HSD3B1: variants seen among roughly 807,000 people sequenced by gnomAD.
HSD3B1 encodes the protein hydroxy-delta-5-steroid dehydrogenase, 3 beta- and steroid delta-isomerase 1, also known as 3 beta-hydroxysteroid dehydrogenase/Delta 5-->4-isomerase type 1.
A neutral mutation model predicts 10.4 loss-of-function variants in HSD3B1; 11 were observed. That is an observed-to-expected ratio of 1.05 (90% confidence interval 0.66 to 1.75). HSD3B1 has a LOEUF of 1.75. Ranked by LOEUF, HSD3B1 falls within the 40% of genes most tolerant of loss-of-function variation. The pLI, the probability that HSD3B1 is intolerant of heterozygous loss-of-function variation, is 0.00. For synonymous variants in HSD3B1, 217 were observed against 185.4 expected, an observed-to-expected ratio of 1.17 and a Z score of -1.39; for missense variants, 490 against 454.5, an observed-to-expected ratio of 1.08 and a Z score of -0.71.
intron 3 of HSD3B1, among the ~76,000 whole-genome samples, chr1:119,512,280 C>G (rs188935757): frequency 6.6e-5 from 10 of 152,308 alleles, no homozygotes; most frequent in African/African-American, 2.2e-4. Flanking sequence ...ACAGTCTCTT[C>G]AGCTCACCAC....
chr1:119,509,653 A>T (rs1348970002), intron 2 of HSD3B1, among the ~76,000 whole-genome samples: 1 of 151,966 alleles, frequency 6.6e-6, no homozygotes, highest in African/African-American at 2.4e-5. Context: ...TGACTCCCCC[A>T]CTCCAGGACC....
intron 2 of HSD3B1, among the ~76,000 whole-genome samples, chr1:119,509,379 T>G (rs1180143385): frequency 6.6e-6 from 1 of 152,202 alleles, no homozygotes; most frequent in Non-Finnish European, 1.5e-5. Context: ...AAGTCTACAG[T>G]GCCTTGGAGA....
Position 119,513,982 on chromosome 1 carries a change from T to A in HSD3B1, c.459T>A (p.Ala153=), listed in dbSNP as rs1339028485. 23 of 1,613,852 alleles carry A rather than the reference T, an allele frequency of 1.4e-5. No individual in the cohort carries two copies. The highest frequency in any genetic ancestry group is 1.9e-5 in the Non-Finnish European group (22 of 1,179,992). ...EEEPLENTWP[A]PYPHSKKLAE... ...AGCCTCTGGAAAACACATGGCCCGC[T>A]CCATACCCACACAGCAAAAAGCTTG... Residue 153 remains alanine, a synonymous_variant, in exon 4 of 4, where the codon GCT becomes GCA. Coordinates refer to ENST00000369413, the MANE Select transcript of HSD3B1 (RefSeq NM_000862.3).
At position 119,513,988 on chromosome 1, in the gene HSD3B1, C is replaced by T. The variant is rs369606727; in HGVS notation, c.465C>T (p.Tyr155=). 6.2e-7 allele frequency: 1 copy of T among 1,613,990 alleles called. No individual in the cohort carries two copies. Among genetic ancestry groups the T allele is most frequent in the African/African-American group, 1.3e-5 (1 of 74,888 alleles). The change falls in exon 4 of 4, where the codon TAC becomes TAT. Residue 155 remains tyrosine (Y), a synonymous_variant. Transcript: ENST00000369413. ...TGGAAAACACATGGCCCGCTCCATACCCACACAGCAAAAAGCTTGCTGAGA... is the reference window on the plus strand; with the variant it reads ...TGGAAAACACATGGCCCGCTCCATATCCACACAGCAAAAAGCTTGCTGAGA... The part of the protein sequence containing the change: ...EPLENTWPAP[Y]PHSKKLAEKA...
chr1:119,508,495 C>T (rs1653851294), intron 2 of HSD3B1, among the ~76,000 whole-genome samples: 1 of 152,146 alleles, frequency 6.6e-6, no homozygotes, highest in Non-Finnish European at 1.5e-5. Flanking sequence ...GCATCACATC[C>T]AACAGGACAA....
At chr1:119,508,184 C>T (rs1183264886) in intron 2 of HSD3B1, among the ~76,000 whole-genome samples, 4 of 150,452 alleles carry the variant, frequency 2.7e-5, no homozygotes, top group African/African-American at 7.4e-5. Context: ...GAGAGAGAGT[C>T]GGGGAGAGAG....
Position 119,507,417 on chromosome 1 carries a change from A to G in HSD3B1, c.-60A>G. The G allele has an allele frequency of 6.9e-6, 11 of 1,587,882 alleles. No individual in the cohort carries two copies. Among genetic ancestry groups the G allele is most frequent in the Non-Finnish European group, 8.6e-6 (10 of 1,158,090 alleles). On this transcript the variant is annotated 5_prime_UTR_variant, in exon 2 of 4. Transcript: ENST00000369413. ...CCCTCTCCAGGGTCACCCTAGAATCAGATCTGCTCCCCAGCATCTTCTGTT... is the reference window on the plus strand; with the variant it reads ...CCCTCTCCAGGGTCACCCTAGAATCGGATCTGCTCCCCAGCATCTTCTGTT...
rs962978657 is a variant in HSD3B1 at position 119,510,717 on chromosome 1, C to CTT, written c.146-750_146-749dup. On this transcript the variant is annotated intron_variant, in intron 2 of 3. Transcript: ENST00000369413. Reference sequence around the variant, plus strand: ...TTTTTGTTGTTGCTTGTGTGGTTTTCTTTTTTTTTTTTTTTTTTTTTTTTT... The same window carrying CTT: ...TTTTTGTTGTTGCTTGTGTGGTTTTCTTTTTTTTTTTTTTTTTTTTTTTTTTT... Among the ~76,000 whole-genome samples, 103 of 54,166 alleles carry CTT rather than the reference C, an allele frequency of 1.9e-3. 37 individuals are homozygous for CTT. Among genetic ancestry groups the CTT allele is most frequent in the African/African-American group, 3.8e-3 (55 of 14,390 alleles). The allele number at this position is 54,166 out of a possible 152,430, so 35.5% of individuals were successfully genotyped here.
intron 3 of HSD3B1, chr1:119,511,953 C>G: frequency 5.5e-6 from 2 of 363,092 alleles, no homozygotes; most frequent in Non-Finnish European, 1.0e-5. Context: ...AAGGCTCTTT[C>G]TACTGTGACT....
intron 2 of HSD3B1, 35 bp downstream of exon 2, chr1:119,507,656 T>G (rs373206311): frequency 6.2e-7 from 1 of 1,607,920 alleles, no homozygotes; most frequent in Non-Finnish European, 8.5e-7. Context: ...TGTGGTTCCA[T>G]CTTAAACACT....
rs144243002 is a variant in HSD3B1, at chr1:119,512,511, T to C, written c.310+844T>C. 5.9e-5 allele frequency among the ~76,000 whole-genome samples: 9 copies of C among 151,870 alleles called. No homozygotes were observed. The East Asian group carries it at 1.7e-3, about 29-fold the overall frequency. On this transcript the variant is annotated intron_variant, in intron 3 of 3. Coordinates refer to ENST00000369413, the MANE Select transcript of HSD3B1 (RefSeq NM_000862.3). ...AGCACCCCAAACCCCGGCCTGGCCCTCCGCATTTAGTCTACTCTGACTCTT... is the reference window on the plus strand; with the variant it reads ...AGCACCCCAAACCCCGGCCTGGCCCCCCGCATTTAGTCTACTCTGACTCTT...
intron 3 of HSD3B1, chr1:119,511,915 A>C: frequency 2.1e-6 from 1 of 475,390 alleles, no homozygotes; most frequent in South Asian, 2.3e-5. Context: ...GGAGAGTTAG[A>C]CTTTAAACTC....
intron 3 of HSD3B1, among the ~76,000 whole-genome samples, chr1:119,512,231 A>G (rs1206821734): frequency 2.0e-5 from 3 of 152,168 alleles, no homozygotes; most frequent in African/African-American, 7.2e-5. Context: ...CCTTCCCACA[A>G]TATTTTTTTA....
chr1:119,514,778 C>T lies in HSD3B1; in HGVS notation c.*133C>T. 4 of 941,120 alleles carry T rather than the reference C, an allele frequency of 4.3e-6. No homozygotes were observed. Among genetic ancestry groups the T allele is most frequent in the Non-Finnish European group, 6.7e-6 (4 of 600,122 alleles). 58.3% of individuals were successfully genotyped at this position (941,120 alleles called of 1,614,324 possible). ...TGCCTCCCTTTCATACAATGGCCAA[C>T]TTATTGTATTCCTCATGTCATCAAA... On this transcript the variant is annotated 3_prime_UTR_variant, in exon 4 of 4. Transcript: ENST00000369413.
chr1:119,514,458 GACCGCCCTTCA>G lies in HSD3B1; in HGVS notation c.942_952del (p.Phe315HisfsTer7). 6.2e-7 allele frequency: 1 copy of G among 1,613,944 alleles called. No individual in the cohort carries two copies. The highest frequency in any genetic ancestry group is 8.5e-7 in the Non-Finnish European group (1 of 1,179,980). On this transcript the variant is annotated frameshift_variant, in exon 4 of 4. Transcript: ENST00000369413. LOFTEE classifies it low-confidence loss of function (END_TRUNC). ...CTACTCAGGCCAATTTACACCTATC[GACCGCCCTTCA>G]ACCGCCACATAGTCACATTGTCAAA...
At chr1:119,507,645 G>A in intron 2 of HSD3B1, 24 bp downstream of exon 2, 1 of 1,613,202 alleles carries the variant, frequency 6.2e-7, no homozygotes. Context: ...GGTCATGGGT[G>A]TGTGGTTCCA....
chr1:119,511,812 C>T, intron 3 of HSD3B1, 145 bp downstream of exon 3: 1 of 732,078 alleles, frequency 1.4e-6, no homozygotes, highest in East Asian at 2.6e-5. Flanking sequence ...TAGGAGAGTT[C>T]AAGACTGCTA....
chr1:119,507,890 T>C, intron 2 of HSD3B1: 1 of 374,674 alleles, frequency 2.7e-6, no homozygotes, highest in East Asian at 5.8e-5. Flanking sequence ...TCTTCTCATC[T>C]AGAAAATCCC....
chr1:119,513,321 A>T (rs3765944), intron 3 of HSD3B1, among the ~76,000 whole-genome samples: 8,020 of 152,212 alleles, frequency 0.053, 588 homozygotes, highest in African/African-American at 0.16. Flanking sequence ...AAAAGTACCA[A>T]CAATTTCATA....
Sources: allele counts gnomAD v4.1 joint callset (sites outside exome capture counted in the v4.1 genomes callset), GRCh38; gene constraint gnomAD v4.1.1; transcripts MANE v1.5; gene names NCBI Gene and HGNC (gene_info 2026-07-23, HGNC 2026-07-21).